The following PWP1 variants were observed in gnomAD, a reference collection of about 807,000 sequenced individuals.
PWP1 encodes periodic tryptophan protein 1 homolog.
PWP1 carries 47 observed loss-of-function variants against 69.9 expected under a neutral mutation model. The observed-to-expected ratio is 0.67, with a 90% CI of 0.53 to 0.86. PWP1 has a LOEUF of 0.86. Among genes scored for constraint, PWP1 ranks in the 40% least tolerant of loss-of-function variants. The pLI is 0.00. For missense variants in PWP1, 551 were observed against 608.8 expected (o/e 0.91, Z 1.00); for synonymous variants, 222 against 208.2 (o/e 1.07, Z -0.57).
intron 8 of PWP1, among the ~76,000 whole-genome samples, chr12:107,699,928 T>G (rs1406668108): frequency 6.6e-6 from 1 of 152,168 alleles, no homozygotes; most frequent in Non-Finnish European, 1.5e-5. Context: ...GATTCACAGT[T>G]CTGTATGGCT....
At chr12:107,686,199 G>A (rs902776348) in intron 1 of PWP1, 6 of 590,184 alleles carry the variant, frequency 1.0e-5, no homozygotes, top group South Asian at 2.0e-5. Context: ...CCACCCTCAA[G>A]CCCAACCCCA....
chr12:107,696,342 T>A, intron 5 of PWP1, 132 bp from the exon 6 acceptor site: 1 of 1,339,650 alleles, frequency 7.5e-7, no homozygotes. Context: ...CTGGAATCTC[T>A]TTATAATATC....
intron 6 of PWP1, among the ~76,000 whole-genome samples, chr12:107,697,198 C>G (rs1889606472): frequency 6.6e-6 from 1 of 152,070 alleles, no homozygotes. Flanking sequence ...ACACTGGGGC[C>G]AAGAGATTGA....
intron 1 of PWP1, among the ~76,000 whole-genome samples, chr12:107,686,920 C>G (rs1349504147): frequency 2.8e-5 from 4 of 140,824 alleles, no homozygotes; most frequent in African/African-American, 1.1e-4. Flanking sequence ...GAGCCGAGAT[C>G]GCACAGCTGC....
intron 11 of PWP1, among the ~76,000 whole-genome samples, chr12:107,705,698 T>G (rs536161865): frequency 6.6e-6 from 1 of 152,268 alleles, no homozygotes; most frequent in Admixed American, 6.5e-5. Flanking sequence ...ACAAAGGACA[T>G]GAACTCATTC....
chr12:107,702,781 G>A (rs1252936439), intron 8 of PWP1, among the ~76,000 whole-genome samples, 154 bp from the exon 9 acceptor site: 1 of 152,004 alleles, frequency 6.6e-6, no homozygotes, highest in Non-Finnish European at 1.5e-5. Flanking sequence ...CATAATCTTC[G>A]GTAGTTTTCA....
At chr12:107,711,959 T>C (rs952491271) in intron 14 of PWP1, 152 bp from the exon 15 acceptor site, 2 of 592,866 alleles carry the variant, frequency 3.4e-6, no homozygotes, top group African/African-American at 3.7e-5. Context: ...AATAATTCAC[T>C]TCATTCAGAA....
In PWP1 at chr12:107,685,804, C is replaced by A. The variant is rs1177665784; in HGVS notation, c.-96C>A. ...CGCATGCGCTCTGCCCTGGCAGCGG[C>A]CCTGTGCAGATCCCTGAGCGTGTGG... On this transcript the variant is annotated 5_prime_UTR_variant, in exon 1 of 15. Coordinates refer to ENST00000412830, the MANE Select transcript of PWP1 (RefSeq NM_007062.3). 5.9e-6 allele frequency: 8 copies of A among 1,360,232 alleles called. No homozygotes were observed. Among genetic ancestry groups the A allele is most frequent in the Admixed American group, 1.7e-5 (1 of 57,386 alleles). 84.3% of individuals were successfully genotyped at this position (1,360,232 alleles called of 1,614,324 possible). A position where few individuals can be genotyped will look rare whatever the true frequency, so the allele number is the denominator to read the frequency against.
In PWP1 at chr12:107,709,240, T is replaced by A; in HGVS notation, c.1290+8T>A. On this transcript the variant is annotated splice_region_variant and intron_variant, in intron 13 of 14. Transcript: ENST00000412830. Reference sequence around the variant, plus strand: ...TCTAGGGACATGAAAATGGTAAGAATCTCCCTGGGTATCTGTTTTTTATTT... The same window carrying A: ...TCTAGGGACATGAAAATGGTAAGAAACTCCCTGGGTATCTGTTTTTTATTT... 6.2e-7 allele frequency: 1 copy of A among 1,612,092 alleles called. No homozygotes were observed. The highest frequency in any genetic ancestry group is 8.5e-7 in the Non-Finnish European group (1 of 1,178,830).
At chr12:107,686,310 C>G (rs1889364186) in intron 1 of PWP1, among the ~76,000 whole-genome samples, 1 of 152,306 alleles carries the variant, frequency 6.6e-6, no homozygotes, top group South Asian at 2.1e-4. Flanking sequence ...ACACCACTAG[C>G]TTCACTAGCA....
At chr12:107,697,294 G>C (rs1376218409) in intron 6 of PWP1, among the ~76,000 whole-genome samples, 173 bp from the exon 7 acceptor site, 1 of 152,138 alleles carries the variant, frequency 6.6e-6, no homozygotes, top group Non-Finnish European at 1.5e-5. Flanking sequence ...TGCCCACCCA[G>C]AACCACCTGA....
intron 1 of PWP1, among the ~76,000 whole-genome samples, chr12:107,686,349 AAG>A (rs1889365069): frequency 1.3e-5 from 2 of 152,184 alleles, no homozygotes; most frequent in South Asian, 4.1e-4. Context: ...CATAACTGGG[AAG>A]AGAGCATGAA....
intron 6 of PWP1, 35 bp from the exon 7 acceptor site, chr12:107,697,432 T>C (rs1889611112): frequency 6.5e-7 from 1 of 1,535,842 alleles, no homozygotes; most frequent in Non-Finnish European, 8.7e-7. Context: ...ATGTCTTTTT[T>C]TGTGTAATCA....
intron 13 of PWP1, 40 bp from the exon 14 acceptor site, chr12:107,710,365 T>C (rs1182461544): frequency 1.2e-6 from 2 of 1,608,898 alleles, no homozygotes; most frequent in South Asian, 2.2e-5. Context: ...TAGCGCTTTC[T>C]GAAGAGATTG....
chr12:107,706,245 GT>G (rs1219069655), intron 11 of PWP1, among the ~76,000 whole-genome samples: 1 of 152,066 alleles, frequency 6.6e-6, no homozygotes, highest in African/African-American at 2.4e-5. Context: ...TGATGGGGCT[GT>G]TTTTTTCTTG....
intron 8 of PWP1, among the ~76,000 whole-genome samples, chr12:107,701,114 T>A (rs1214741642): frequency 6.6e-6 from 1 of 152,150 alleles, no homozygotes; most frequent in African/African-American, 2.4e-5. Flanking sequence ...TTGGGAGAAA[T>A]GTTTTTCAAG....
chr12:107,693,337 G>A lies in PWP1; in HGVS notation c.502+241G>A, dbSNP rs541612700. 9.2e-5 allele frequency among the ~76,000 whole-genome samples: 14 copies of A among 151,924 alleles called. No homozygotes were observed. The East Asian group carries it at 2.7e-3, about 29-fold the overall frequency. The stretch of plus-strand genomic sequence containing the variant: ...AATCCCCTGGAAATTTTTCATAGGG[G>A]TGTTTTTTTTTGTTTTTATATATAA... On this transcript the variant is annotated intron_variant, in intron 5 of 14. Coordinates refer to ENST00000412830, the MANE Select transcript of PWP1 (RefSeq NM_007062.3).
At position 107,688,619 on chromosome 12, in the gene PWP1, G is replaced by C. The variant is rs1187421795; in HGVS notation, c.136G>C (p.Glu46Gln). The change falls in exon 3 of 15, where the codon GAA becomes CAA. Residue 46 changes from glutamate (E) to glutamine (Q), a missense_variant. Glu to Gln is a conservative substitution (Grantham distance 29). Transcript: ENST00000412830. ...TTTTTCTTTCTGTGCTCATAGAGAAGAAGGTGGTGGCAGTGATGAAGAGGA... is the reference window on the plus strand; with the variant it reads ...TTTTTCTTTCTGTGCTCATAGAGAACAAGGTGGTGGCAGTGATGAAGAGGA... ...IAEAKEKLQE[E>Q]GGGSDEEETG... 1.2e-6 allele frequency: 2 copies of C among 1,613,598 alleles called. No individual in the cohort carries two copies. The highest frequency in any genetic ancestry group is 4.5e-5 in the East Asian group (2 of 44,894).
chr12:107,702,899 T>G (rs1377313749), intron 8 of PWP1, 36 bp from the exon 9 acceptor site: 3 of 1,359,562 alleles, frequency 2.2e-6, no homozygotes, highest in Admixed American at 1.7e-5. Flanking sequence ...TCTTGACTTT[T>G]AAAAGATTAC....
Sources: gnomAD v4.1 joint callset for allele counts (sites outside exome capture counted in the v4.1 genomes callset) on GRCh38, gnomAD v4.1.1 for gene constraint, MANE v1.5 for transcripts, NCBI Gene and HGNC (gene_info 2026-07-23, HGNC 2026-07-21) for gene names.